Variants in ITPR1 observed in about 807,000 individuals in gnomAD.
ITPR1 encodes inositol 1,4,5-trisphosphate receptor type 1.
A neutral mutation model predicts 318.4 loss-of-function variants in ITPR1; 96 were observed. The ratio of observed to expected loss-of-function variants is 0.30; its 90% CI spans 0.26 to 0.36. The LOEUF is 0.36. ITPR1 is among the 10% of genes least tolerant of loss of function. The pLI, the probability that ITPR1 is intolerant of heterozygous loss-of-function variation, is 1.00. For synonymous variants in ITPR1, 1,312 were observed against 1,289.9 expected, an observed-to-expected ratio of 1.02 and a Z score of -0.37; for missense variants, 2,440 against 3,460.2, an observed-to-expected ratio of 0.71 and a Z score of 7.40.
chr3:4,663,404 A>T (rs539949895), intron 16 of ITPR1, among the ~76,000 whole-genome samples, 198 bp downstream of exon 16: 4 of 152,306 alleles, frequency 2.6e-5, no homozygotes, highest in Non-Finnish European at 5.9e-5. Flanking sequence ...CTGTCTCAAA[A>T]GAGAAAGAAA....
intron 43 of ITPR1, among the ~76,000 whole-genome samples, chr3:4,734,363 C>T (rs2043131399): frequency 6.7e-6 from 1 of 149,836 alleles, no homozygotes; most frequent in Non-Finnish European, 1.5e-5. Flanking sequence ...AGAGAATGTG[C>T]AACCCAATTT....
chr3:4,504,750 CTG>C (rs1280732241), intron 2 of ITPR1, among the ~76,000 whole-genome samples: 1 of 152,150 alleles, frequency 6.6e-6, no homozygotes, highest in African/African-American at 2.4e-5. Flanking sequence ...GGAGCAGAGA[CTG>C]TTGTAAAGGG....
chr3:4,780,052 C>G (rs1575217392), intron 49 of ITPR1, among the ~76,000 whole-genome samples: 1 of 152,026 alleles, frequency 6.6e-6, no homozygotes, highest in Middle Eastern at 3.4e-3. Context: ...GAGTTCAAGT[C>G]CATAGCTCTG....
intron 24 of ITPR1, among the ~76,000 whole-genome samples, chr3:4,678,910 A>C (rs2094241146): frequency 6.6e-6 from 1 of 152,204 alleles, no homozygotes; most frequent in African/African-American, 2.4e-5. Context: ...GCCACACTGC[A>C]CAGAGCTTTG....
intron 2 of ITPR1, among the ~76,000 whole-genome samples, chr3:4,515,336 C>T (rs2082102490): frequency 6.6e-6 from 1 of 152,146 alleles, no homozygotes; most frequent in Admixed American, 6.5e-5. Flanking sequence ...CCGTTCCACA[C>T]TGTTACAACT....
intron 53 of ITPR1, among the ~76,000 whole-genome samples, chr3:4,799,273 G>A (rs971601705): frequency 2.0e-5 from 3 of 152,232 alleles, no homozygotes; most frequent in Admixed American, 6.5e-5. Context: ...TGTTAAATGC[G>A]TAGAAAGCGG....
At chr3:4,817,178 C>T (rs1439336035) in intron 59 of ITPR1, among the ~76,000 whole-genome samples, 7 of 152,250 alleles carry the variant, frequency 4.6e-5, no homozygotes, top group Non-Finnish European at 1.0e-4. Flanking sequence ...TTGTACATTT[C>T]CTGAGCCATC....
At chr3:4,544,537 C>G (rs747848685) in intron 4 of ITPR1, among the ~76,000 whole-genome samples, 3 of 152,188 alleles carry the variant, frequency 2.0e-5, no homozygotes, top group African/African-American at 4.8e-5. Flanking sequence ...TGAGAAGTAC[C>G]TAAGCTAATA....
At chr3:4,833,654 A>C (rs2050676636) in intron 60 of ITPR1, among the ~76,000 whole-genome samples, 1 of 152,194 alleles carries the variant, frequency 6.6e-6, no homozygotes, top group South Asian at 2.1e-4. Context: ...TCTAGTCTTC[A>C]ACAGTCCAAG....
chr3:4,797,399 C>A (rs1395368576), intron 53 of ITPR1, among the ~76,000 whole-genome samples: 1 of 152,064 alleles, frequency 6.6e-6, no homozygotes, highest in Non-Finnish European at 1.5e-5. Context: ...ATCCTAAAGG[C>A]AAGATTTCAT....
At chr3:4,615,701 C>T (rs1246865466) in intron 4 of ITPR1, among the ~76,000 whole-genome samples, 9 of 152,068 alleles carry the variant, frequency 5.9e-5, no homozygotes, top group African/African-American at 1.9e-4. Flanking sequence ...ATCACCTTTC[C>T]CTGTGTTTAA....
intron 44 of ITPR1, 81 bp downstream of exon 44, chr3:4,735,435 GGT>G: frequency 8.2e-7 from 1 of 1,220,764 alleles, no homozygotes; most frequent in South Asian, 1.2e-5. Flanking sequence ...ATGTCTGGGT[GGT>G]ACCAAGCCTT....
intron 26 of ITPR1, among the ~76,000 whole-genome samples, chr3:4,682,397 T>C (rs1378849451): frequency 6.6e-6 from 1 of 152,334 alleles, no homozygotes; most frequent in East Asian, 1.9e-4. Context: ...TCTGCTTGCA[T>C]TGCATCTCCT....
chr3:4,841,671 T>G (rs1265586146), intron 61 of ITPR1, among the ~76,000 whole-genome samples: 1 of 152,152 alleles, frequency 6.6e-6, no homozygotes, highest in Non-Finnish European at 1.5e-5. Flanking sequence ...AAGGGAGTGA[T>G]TTGTTCAATC....
chr3:4,695,462 G>A (rs1328227588), intron 33 of ITPR1, among the ~76,000 whole-genome samples: 2 of 152,110 alleles, frequency 1.3e-5, no homozygotes, highest in African/African-American at 2.4e-5. Flanking sequence ...CTGCAAGAAC[G>A]ATAGAACGAT....
chr3:4,665,991 G>A (rs1395275423), intron 17 of ITPR1, among the ~76,000 whole-genome samples: 2 of 152,174 alleles, frequency 1.3e-5, no homozygotes, highest in South Asian at 2.1e-4. Context: ...GGCATCTGGT[G>A]AGGGGAGGCT....
chr3:4,735,397 C>G, intron 44 of ITPR1, 43 bp downstream of exon 44: 2 of 1,525,152 alleles, frequency 1.3e-6, no homozygotes, highest in East Asian at 2.2e-5. Flanking sequence ...CCCTGCTGAG[C>G]AGGAGGAGAG....
At position 4,635,274 on chromosome 3, in the gene ITPR1, T is replaced by C. The variant is rs530202290; in HGVS notation, c.280-4110T>C. Among the ~76,000 whole-genome samples, 3 of 152,340 alleles carry C rather than the reference T, an allele frequency of 2.0e-5. No homozygotes were observed. In the East Asian group the frequency reaches 5.8e-4, roughly 29 times the overall value. ...TCAATGTTATGTTGAGTGAAAAGTT[T>C]TTTGGTCAATATTGCCTGAGTATCC... is the stretch of plus-strand genomic sequence containing the variant. On this transcript the variant is annotated intron_variant, in intron 5 of 61. Transcript: ENST00000649015.
At chr3:4,695,824 A>G (rs1419416808) in intron 33 of ITPR1, among the ~76,000 whole-genome samples, 2 of 152,024 alleles carry the variant, frequency 1.3e-5, no homozygotes, top group Non-Finnish European at 2.9e-5. Flanking sequence ...ACTGATGCTC[A>G]TTTTAGTTGT....
Sources: allele counts gnomAD v4.1 joint callset (sites outside exome capture counted in the v4.1 genomes callset), GRCh38; gene constraint gnomAD v4.1.1; transcripts MANE v1.5; gene names NCBI Gene and HGNC (gene_info 2026-07-23, HGNC 2026-07-21).